TSPAN15: variants seen among roughly 807,000 people sequenced by gnomAD.
TSPAN15 encodes the protein tetraspanin-15.
Under a neutral mutation model 34.5 loss-of-function variants are expected in TSPAN15, and 20 were observed. The observed-to-expected ratio is 0.58, with a 90% CI of 0.41 to 0.84. The LOEUF (loss-of-function observed/expected upper bound fraction) is 0.84. Among genes scored for constraint, TSPAN15 ranks in the 40% least tolerant of loss-of-function variants. TSPAN15 has a pLI of 0.00. For synonymous variants in TSPAN15, 155 were observed against 153.9 expected (o/e 1.01, Z -0.05); for missense variants, 313 against 386.1 (o/e 0.81, Z 1.59).
At chr10:69,543,199 G>A in the TSPAN15 span, among the ~76,000 whole-genome samples, 2 of 152,064 alleles carry the variant, frequency 1.3e-5, no homozygotes, top group Non-Finnish European at 2.9e-5. Context: ...GCTAAGTATG[G>A]GTAGTGCCAA....
chr10:69,476,884 C>T (rs1486341837), intron 1 of TSPAN15, among the ~76,000 whole-genome samples: 3 of 151,986 alleles, frequency 2.0e-5, no homozygotes, highest in Non-Finnish European at 2.9e-5. Context: ...CTTAGAGTAC[C>T]GCCTGGTGGT....
chr10:69,518,456 G>A, the TSPAN15 span, among the ~76,000 whole-genome samples: 18 of 152,234 alleles, frequency 1.2e-4, no homozygotes, highest in Non-Finnish European at 2.4e-4. Context: ...ACAGAATCTC[G>A]CTCTGTCACT....
intron 4 of TSPAN15, 56 bp downstream of exon 4, chr10:69,495,745 C>T: frequency 8.1e-7 from 1 of 1,232,782 alleles, no homozygotes; most frequent in Admixed American, 1.7e-5. Context: ...GCCCCCCATT[C>T]AGGCCCCTGC....
At chr10:69,521,581 G>A in the TSPAN15 span, among the ~76,000 whole-genome samples, 6 of 146,834 alleles carry the variant, frequency 4.1e-5, no homozygotes, top group African/African-American at 1.5e-4. Context: ...TATCAAAAAT[G>A]AATAAATAAA....
chr10:69,497,615 C>T (rs1252495344), intron 4 of TSPAN15, among the ~76,000 whole-genome samples: 1 of 152,216 alleles, frequency 6.6e-6, no homozygotes, highest in Non-Finnish European at 1.5e-5. Context: ...CACTCTCTGT[C>T]TCTCCACTGG....
chr10:69,520,179 C>T, the TSPAN15 span, among the ~76,000 whole-genome samples: 1 of 152,224 alleles, frequency 6.6e-6, no homozygotes, highest in Non-Finnish European at 1.5e-5. Context: ...CCCACTTCCC[C>T]CTCCCTCAGT....
At chr10:69,529,109 A>T in the TSPAN15 span, among the ~76,000 whole-genome samples, 1 of 148,196 alleles carries the variant, frequency 6.7e-6, no homozygotes, top group Non-Finnish European at 1.5e-5. Flanking sequence ...AACAGCAGGG[A>T]GAAGCCAGGC....
the TSPAN15 span, among the ~76,000 whole-genome samples, chr10:69,531,923 AAAC>A: frequency 7.0e-6 from 1 of 142,334 alleles, no homozygotes; most frequent in African/African-American, 2.6e-5. Flanking sequence ...CAAAACAAAC[AAAC>A]AAACAAAACA....
At chr10:69,483,928 G>A (rs752920537) in intron 2 of TSPAN15, 52 bp downstream of exon 2, 33 of 1,568,406 alleles carry the variant, frequency 2.1e-5, no homozygotes, top group Non-Finnish European at 2.3e-5. Flanking sequence ...GAGCTGGGGC[G>A]CCTGCCCCTG....
chr10:69,524,532 T>G, the TSPAN15 span, among the ~76,000 whole-genome samples: 2 of 146,382 alleles, frequency 1.4e-5, no homozygotes, highest in Admixed American at 7.1e-5. Flanking sequence ...AAAAACTCCT[T>G]CTTCGTGAAG....
the TSPAN15 span, among the ~76,000 whole-genome samples, chr10:69,531,619 C>T: frequency 1.3e-5 from 2 of 151,744 alleles, no homozygotes; most frequent in African/African-American, 4.8e-5. Context: ...AACAAACAAC[C>T]CCAAAGTATT....
chr10:69,484,717 G>C (rs12258475), intron 2 of TSPAN15, among the ~76,000 whole-genome samples: 11,153 of 152,178 alleles, frequency 0.073, 1,332 homozygotes, highest in African/African-American at 0.25. Flanking sequence ...CTCACCCACT[G>C]TGGGGGATCT....
the TSPAN15 span, among the ~76,000 whole-genome samples, chr10:69,519,380 A>G: frequency 6.6e-6 from 1 of 152,212 alleles, no homozygotes; most frequent in Non-Finnish European, 1.5e-5. Flanking sequence ...TGATTGCACT[A>G]TTGTACTCCA....
At chr10:69,463,062 T>G (rs1001444209) in intron 1 of TSPAN15, among the ~76,000 whole-genome samples, 3 of 152,198 alleles carry the variant, frequency 2.0e-5, no homozygotes, top group African/African-American at 7.2e-5. Context: ...AGTTCTAGAA[T>G]TTTGCTTTCC....
At chr10:69,539,462 AG>A in the TSPAN15 span, among the ~76,000 whole-genome samples, 79 of 44,708 alleles carry the variant, frequency 1.8e-3, 6 homozygotes, top group East Asian at 0.043. Flanking sequence ...AAGAAGAAGA[AG>A]GAGAAGGAGA....
At chr10:69,529,298 T>G in the TSPAN15 span, among the ~76,000 whole-genome samples, 1 of 147,924 alleles carries the variant, frequency 6.8e-6, no homozygotes, top group African/African-American at 2.5e-5. Flanking sequence ...ACTGGCTCCA[T>G]GGAGGTGCAA....
At chr10:69,454,016 GACCAGGTTT>G (rs1298806352) in intron 1 of TSPAN15, among the ~76,000 whole-genome samples, 1 of 152,190 alleles carries the variant, frequency 6.6e-6, no homozygotes, top group Admixed American at 6.5e-5. Flanking sequence ...ATCTGTCCTG[GACCAGGTTT>G]ACTGTTATTT....
chr10:69,510,550 A>G (rs571077353), downstream of TSPAN15, among the ~76,000 whole-genome samples: 142 of 152,322 alleles, frequency 9.3e-4, no homozygotes, highest in Non-Finnish European at 1.7e-3. Flanking sequence ...CTGTCTTCCT[A>G]TTTGAATACC....
the TSPAN15 span, among the ~76,000 whole-genome samples, chr10:69,541,309 C>T: frequency 2.0e-5 from 3 of 151,994 alleles, no homozygotes; most frequent in Non-Finnish European, 4.4e-5. Context: ...ATCAGCATGA[C>T]CTGGATGTAA....
Sources: gnomAD v4.1 joint callset for allele counts (sites outside exome capture counted in the v4.1 genomes callset) on GRCh38, gnomAD v4.1.1 for gene constraint, MANE v1.5 for transcripts, NCBI Gene and HGNC (gene_info 2026-07-23, HGNC 2026-07-21) for gene names.